CAMTA1: variants seen among roughly 807,000 people sequenced by gnomAD.
The protein encoded by CAMTA1 is calmodulin-binding transcription activator 1.
A neutral mutation model predicts 170.9 loss-of-function variants in CAMTA1; 27 were observed. The observed-to-expected ratio is 0.16, with a 90% confidence interval of 0.12 to 0.22. CAMTA1 has a LOEUF of 0.22. Ranked by LOEUF, CAMTA1 falls within the 10% of genes least tolerant of loss-of-function variation. The pLI is 1.00. For synonymous variants in CAMTA1, 833 were observed against 891.5 expected (o/e 0.93, Z 1.17); for missense variants, 1,619 against 2,217.2 (o/e 0.73, Z 5.42).
rs570017747 is a variant in CAMTA1 at position 7,146,834 on chromosome 1, A to G, written c.302+55463A>G. Among the ~76,000 whole-genome samples the G allele has an allele frequency of 1.6e-4, 24 of 151,940 alleles. No individual in the cohort carries two copies. The highest frequency in any genetic ancestry group is 5.8e-4 in the African/African-American group (24 of 41,410). The stretch of plus-strand genomic sequence containing the variant: ...CCATGTGCACACACACCACACACAC[A>G]TATACCATGCACACACAAACACAAA... On this transcript the variant is annotated intron_variant, in intron 4 of 22. Coordinates refer to ENST00000303635, the MANE Select transcript of CAMTA1 (RefSeq NM_015215.4). This position sits in a 1 kb window ranked among gnomAD's most constrained non-coding sequence, Gnocchi z 4.3.
At chr1:7,578,944 G>A (rs2095230525) in intron 6 of CAMTA1, among the ~76,000 whole-genome samples, 1 of 152,176 alleles carries the variant, frequency 6.6e-6, no homozygotes, top group Non-Finnish European at 1.5e-5. Context: ...CACAGCTGTG[G>A]CAAAGGCATT....
chr1:7,478,399 T>A (rs1395542053), intron 6 of CAMTA1, among the ~76,000 whole-genome samples: 1 of 152,132 alleles, frequency 6.6e-6, no homozygotes, highest in Non-Finnish European at 1.5e-5. Flanking sequence ...CCCGAGCCTC[T>A]CTGCTCCACA....
At chr1:7,614,283 A>G (rs58715836) in intron 6 of CAMTA1, among the ~76,000 whole-genome samples, 1,796 of 152,160 alleles carry the variant, frequency 0.012, 24 homozygotes, top group African/African-American at 0.04. Flanking sequence ...CTATGTGTCC[A>G]TCCCCTCCCT....
intron 5 of CAMTA1, among the ~76,000 whole-genome samples, chr1:7,366,071 C>T (rs1456959625): frequency 6.6e-6 from 1 of 152,238 alleles, no homozygotes; most frequent in Non-Finnish European, 1.5e-5. Context: ...TGCCCGTTCT[C>T]TGTGACCCCA....
At chr1:6,806,568 G>C (rs1458724590) in intron 1 of CAMTA1, among the ~76,000 whole-genome samples, 1 of 152,198 alleles carries the variant, frequency 6.6e-6, no homozygotes, top group East Asian at 1.9e-4. Flanking sequence ...GTAGTAGGCT[G>C]CCTTGGTGAA....
At chr1:7,087,314 G>A (rs546831393) in intron 3 of CAMTA1, among the ~76,000 whole-genome samples, 2 of 152,344 alleles carry the variant, frequency 1.3e-5, no homozygotes, top group Non-Finnish European at 2.9e-5. Context: ...ATGGAGACAA[G>A]GAATTTTGCC....
At chr1:7,745,068 G>A (rs1446310906) in intron 17 of CAMTA1, 46 bp downstream of exon 17, 3 of 1,524,450 alleles carry the variant, frequency 2.0e-6, no homozygotes, top group African/African-American at 1.4e-5. Flanking sequence ...ATTCCCGGAT[G>A]TAATTGGAGG....
In CAMTA1 at chr1:7,153,567, C is replaced by A. The variant is rs569482974; in HGVS notation, c.302+62196C>A. On this transcript the variant is annotated intron_variant, in intron 4 of 22. Coordinates refer to ENST00000303635, the MANE Select transcript of CAMTA1 (RefSeq NM_015215.4). ...CTCCTGAAGAAATAACACAAACCGA[C>A]GGGGACAAGCAGAGTATGCAAGGAG... is the stretch of plus-strand genomic sequence containing the variant. Among the ~76,000 whole-genome samples, 9 of 152,108 alleles carry A rather than the reference C, an allele frequency of 5.9e-5. No homozygotes were observed. The East Asian group carries it at 1.4e-3, about 23-fold the overall frequency.
At position 7,056,212 on chromosome 1, in the gene CAMTA1, G is replaced by A. The variant is rs1291504458; in HGVS notation, c.235-35092G>A. Reference sequence around the variant, plus strand: ...TGTGGGTTACACAGCTTTAGGCTCAGTCCTCATCTGGAGTCAGCCAAGAAA... The same window carrying A: ...TGTGGGTTACACAGCTTTAGGCTCAATCCTCATCTGGAGTCAGCCAAGAAA... On this transcript the variant is annotated intron_variant, in intron 3 of 22. Transcript: ENST00000303635. 3.9e-5 allele frequency among the ~76,000 whole-genome samples: 6 copies of A among 152,362 alleles called. No homozygotes were observed. In the South Asian group the frequency reaches 1.2e-3, roughly 32 times the overall value.
intron 3 of CAMTA1, among the ~76,000 whole-genome samples, chr1:6,932,779 C>T (rs1029865419): frequency 6.6e-6 from 1 of 152,156 alleles, no homozygotes; most frequent in African/African-American, 2.4e-5. Flanking sequence ...TTTAGCCATA[C>T]CCATGTATCT....
Position 7,670,984 on chromosome 1 carries a change from T to A in CAMTA1, c.2726T>A (p.Ile909Asn). ...SNNYSCLFDQ[I>N]SVPASLIQPG... ...AACTACAGCTGCCTGTTTGACCAGA[T>A]CTCAGTGCCTGCATCCCTGATTCAG... The change falls in exon 10 of 23, where the codon ATC becomes AAC. Residue 909 changes from isoleucine (I) to asparagine (N), a missense_variant. Physicochemically the swap from Ile to Asn is moderately radical, Grantham distance 149. Coordinates refer to ENST00000303635, the MANE Select transcript of CAMTA1 (RefSeq NM_015215.4). 5 of 1,613,766 alleles carry A rather than the reference T, an allele frequency of 3.1e-6. No individual in the cohort carries two copies. The highest frequency in any genetic ancestry group is 4.2e-6 in the Non-Finnish European group (5 of 1,179,956).
intron 6 of CAMTA1, among the ~76,000 whole-genome samples, chr1:7,625,770 G>A (rs921273640): frequency 6.6e-6 from 1 of 152,224 alleles, no homozygotes; most frequent in Non-Finnish European, 1.5e-5. Flanking sequence ...TGGTCTGGGG[G>A]ACCAGTTGGC....
chr1:7,015,359 C>A (rs186631838), intron 3 of CAMTA1, among the ~76,000 whole-genome samples: 9 of 152,296 alleles, frequency 5.9e-5, no homozygotes, highest in Admixed American at 3.3e-4. Context: ...TCCACCCTCA[C>A]GGTTCACATT....
intron 3 of CAMTA1, among the ~76,000 whole-genome samples, chr1:6,856,170 G>A (rs1662274044): frequency 6.6e-6 from 1 of 152,030 alleles, no homozygotes; most frequent in Non-Finnish European, 1.5e-5. Flanking sequence ...GTAGAGATGG[G>A]TACTGGAGAA....
chr1:6,904,540 T>TTTTC (rs748663875), intron 3 of CAMTA1, among the ~76,000 whole-genome samples: 1 of 151,640 alleles, frequency 6.6e-6, no homozygotes, highest in Non-Finnish European at 1.5e-5. Flanking sequence ...AAGCCTTTTT[T>TTTTC]TTTCTTTCTT....
chr1:7,737,934 C>A, intron 15 of CAMTA1, 25 bp from the exon 16 acceptor site: 1 of 1,568,470 alleles, frequency 6.4e-7, no homozygotes, highest in Non-Finnish European at 8.7e-7. Flanking sequence ...CCTGTCCTGA[C>A]TATCCTTTCT....
intron 4 of CAMTA1, among the ~76,000 whole-genome samples, chr1:7,242,861 CT>C (rs1446762473): frequency 6.6e-6 from 1 of 151,940 alleles, no homozygotes; most frequent in Non-Finnish European, 1.5e-5. Context: ...ACTTGGGAGG[CT>C]GAGGCAGGAG....
At chr1:7,112,445 C>T (rs1300228249) in intron 4 of CAMTA1, among the ~76,000 whole-genome samples, 1 of 152,210 alleles carries the variant, frequency 6.6e-6, no homozygotes, top group Non-Finnish European at 1.5e-5. Context: ...CCCCATTTTA[C>T]AGACAGAGGA....
intron 4 of CAMTA1, among the ~76,000 whole-genome samples, chr1:7,192,465 T>G (rs902828808): frequency 2.0e-5 from 3 of 152,158 alleles, no homozygotes; most frequent in Non-Finnish European, 4.4e-5. Context: ...AGCCCAGTGG[T>G]GGAAATCCCG....
Sources: gnomAD v4.1 joint callset for allele counts (sites outside exome capture counted in the v4.1 genomes callset) on GRCh38, gnomAD v4.1.1 for gene constraint, Gnocchi (gnomAD v3.1) non-coding constraint, MANE v1.5 for transcripts, NCBI Gene and HGNC (gene_info 2026-07-23, HGNC 2026-07-21) for gene names.